Variants in OR56A3 observed in about 807,000 individuals in gnomAD.
The protein encoded by OR56A3 is olfactory receptor 56A3.
OR56A3 carries 23 observed loss-of-function variants against 17.5 expected under a neutral mutation model. That is an observed-to-expected ratio of 1.32 (90% confidence interval 0.95 to 1.87). The LOEUF (loss-of-function observed/expected upper bound fraction) is 1.87. OR56A3 is among the 40% of genes most tolerant of loss of function. The probability of loss-of-function intolerance (pLI) is 0.00; values close to 1 mark genes in which losing one functional copy is unlikely to be tolerated. For synonymous variants in OR56A3, 175 were observed against 150.6 expected (o/e 1.16, Z -1.19); for missense variants, 366 against 380.1 (o/e 0.96, Z 0.31).
chr11:5,986,479 G>T, the OR56A3 span: 2 of 1,613,900 alleles, frequency 1.2e-6, no homozygotes, highest in South Asian at 1.1e-5. Flanking sequence ...CAGGATTGTG[G>T]AATGGTGCAA....
At chr11:6,014,034 G>C in the OR56A3 span, among the ~76,000 whole-genome samples, 1 of 152,194 alleles carries the variant, frequency 6.6e-6, no homozygotes, top group Non-Finnish European at 1.5e-5. Flanking sequence ...GAAGGTTTAA[G>C]AATCAGCCCA....
chr11:5,992,846 C>T, the OR56A3 span, among the ~76,000 whole-genome samples: 33,528 of 152,086 alleles, frequency 0.22, 4,183 homozygotes, highest in Non-Finnish European at 0.29. Flanking sequence ...CCCACTCCAC[C>T]TAGTAGCCAC....
chr11:5,981,081 A>G, the OR56A3 span, among the ~76,000 whole-genome samples: 1 of 152,202 alleles, frequency 6.6e-6, no homozygotes, highest in Admixed American at 6.5e-5. Context: ...TCTTCTTTCT[A>G]GCTGTCTTTA....
At chr11:5,986,294 T>A in the OR56A3 span, 180 of 1,613,904 alleles carry the variant, frequency 1.1e-4, no homozygotes, top group Non-Finnish European at 1.4e-4. Flanking sequence ...TAAGCTCGAT[T>A]GACTGTGGTT....
chr11:5,987,013 A>C, the OR56A3 span: 1 of 1,308,048 alleles, frequency 7.6e-7, no homozygotes, highest in Non-Finnish European at 1.1e-6. Flanking sequence ...CTTCAACTGC[A>C]AACGAAGGGA....
the OR56A3 span, among the ~76,000 whole-genome samples, chr11:5,959,429 C>T: frequency 6.6e-6 from 1 of 152,116 alleles, no homozygotes; most frequent in Non-Finnish European, 1.5e-5. Context: ...GCATTTCTTT[C>T]TTATACCTGT....
chr11:5,974,072 C>A, the OR56A3 span, among the ~76,000 whole-genome samples: 1 of 151,424 alleles, frequency 6.6e-6, no homozygotes, highest in Non-Finnish European at 1.5e-5. Context: ...TCCCTTGACC[C>A]TGCCAAGACC....
At chr11:5,956,268 A>C, downstream of OR56A3, among the ~76,000 whole-genome samples, 1 of 152,222 alleles carries the variant, frequency 6.6e-6, no homozygotes, top group South Asian at 2.1e-4. Flanking sequence ...TAACTCTAAG[A>C]ACAGATTTTA....
the OR56A3 span, among the ~76,000 whole-genome samples, chr11:5,974,457 G>C: frequency 3.9e-5 from 6 of 152,224 alleles, no homozygotes; most frequent in Non-Finnish European, 5.9e-5. Context: ...TCTGTTTCCT[G>C]CTCATATTGT....
the OR56A3 span, among the ~76,000 whole-genome samples, chr11:5,995,372 TG>T: frequency 6.6e-6 from 1 of 152,200 alleles, no homozygotes; most frequent in Non-Finnish European, 1.5e-5. Flanking sequence ...TTAACTACTG[TG>T]TTGAACAGCA....
chr11:6,016,297 T>A, the OR56A3 span, among the ~76,000 whole-genome samples: 1 of 152,176 alleles, frequency 6.6e-6, no homozygotes, highest in African/African-American at 2.4e-5. Flanking sequence ...ATGCTTCTTG[T>A]ACAGCCTGAG....
the OR56A3 span, among the ~76,000 whole-genome samples, chr11:5,991,052 G>A: frequency 6.6e-6 from 1 of 152,124 alleles, no homozygotes; most frequent in Non-Finnish European, 1.5e-5. Context: ...TGATGAAGAG[G>A]ATTTTCTATT....
the OR56A3 span, chr11:6,000,553 T>C: frequency 3.9e-5 from 6 of 152,124 alleles, no homozygotes; most frequent in East Asian, 1.9e-4. Flanking sequence ...ACATGGCACA[T>C]GTATACATAT....
the OR56A3 span, among the ~76,000 whole-genome samples, chr11:5,959,172 T>C: frequency 6.6e-6 from 1 of 152,174 alleles, no homozygotes; most frequent in Non-Finnish European, 1.5e-5. Context: ...CATATGGCAG[T>C]TCTATTTAAT....
the OR56A3 span, among the ~76,000 whole-genome samples, chr11:5,961,883 CT>C: frequency 6.6e-6 from 1 of 151,764 alleles, no homozygotes; most frequent in African/African-American, 2.4e-5. Context: ...ATTTGCATGC[CT>C]TTTATTTTTC....
downstream of OR56A3, chr11:5,951,359 G>A (rs564808123): frequency 2.0e-5 from 3 of 152,122 alleles, no homozygotes; most frequent in South Asian, 6.2e-4. Flanking sequence ...CACACACATA[G>A]ATCTGAGTAT....
At position 5,948,308 on chromosome 11, in the gene OR56A3, A is replaced by G. The variant is rs1847887408; in HGVS notation, c.*14A>G. ...AAAGGGTGCTAACAAGGACCACTGG[A>G]TCTCTGAATATCTAAAATAAGATAA... On this transcript the variant is annotated 3_prime_UTR_variant, in exon 3 of 3. Transcript: ENST00000641160. 6.6e-7 allele frequency: 1 copy of G among 1,508,920 alleles called. No homozygotes were observed. Among genetic ancestry groups the G allele is most frequent in the Non-Finnish European group, 9.2e-7 (1 of 1,090,824 alleles). The allele number at this position is 1,508,920 out of a possible 1,614,324, so 93.5% of individuals were successfully genotyped here.
Position 5,945,020 on chromosome 11 carries a change from C to T in OR56A3, c.-99C>T, listed in dbSNP as rs1446710960. On this transcript the variant is annotated 5_prime_UTR_variant, in exon 2 of 3. Coordinates refer to ENST00000641160, the MANE Select transcript of OR56A3 (RefSeq NM_001003443.3). ...GGACCCAGTTGAGCAAGGACTGGAA[C>T]TGCTTTTGGGGAATAGGAAAGACAA... The T allele has an allele frequency of 6.6e-6, 1 of 152,180 alleles. No individual in the cohort carries two copies. The highest frequency in any genetic ancestry group is 1.5e-5 in the Non-Finnish European group (1 of 68,048). 9.4% of individuals were successfully genotyped at this position (152,180 alleles called of 1,614,324 possible).
the OR56A3 span, among the ~76,000 whole-genome samples, chr11:5,979,825 C>T: frequency 6.6e-6 from 1 of 151,908 alleles, no homozygotes; most frequent in Non-Finnish European, 1.5e-5. Context: ...GAGCATTTAG[C>T]ACTATATGCC....
Sources: allele counts gnomAD v4.1 joint callset (sites outside exome capture counted in the v4.1 genomes callset), GRCh38; gene constraint gnomAD v4.1.1; transcripts MANE v1.5; gene names NCBI Gene and HGNC (gene_info 2026-07-23, HGNC 2026-07-21).